GPLD1: variants seen among roughly 807,000 people sequenced by gnomAD.
GPLD1 encodes glycosylphosphatidylinositol specific phospholipase D1, also known as phosphatidylinositol-glycan-specific phospholipase D.
In GPLD1, 84 loss-of-function variants were observed where a neutral mutation model predicts 112.6. The ratio of observed to expected loss-of-function variants is 0.75; its 90% CI spans 0.63 to 0.89. The LOEUF (loss-of-function observed/expected upper bound fraction) is 0.89. GPLD1 is among the 40% of genes least tolerant of loss of function. The pLI, the probability that GPLD1 is intolerant of heterozygous loss-of-function variation, is 0.00. For missense variants in GPLD1, 1,044 were observed against 1,051.5 expected (o/e 0.99, Z 0.10); for synonymous variants, 386 against 403.8 (o/e 0.96, Z 0.53).
chr6:24,425,405 AAG>A (rs1561819245), downstream of GPLD1: 1 of 152,364 alleles, frequency 6.6e-6, no homozygotes, highest in Non-Finnish European at 1.5e-5. Flanking sequence ...ATGTCAATAA[AAG>A]GAAAAATAAT....
rs1763277797 is a variant in GPLD1 at position 24,456,633 on chromosome 6, G to C, written c.1013C>G (p.Ser338Cys). ...FFSVNSWTPDSMSFIYKALER... is the reference protein window; with the variant it reads ...FFSVNSWTPDCMSFIYKALER... ...CAAAGCCTTGTAGATAAAGGACATG[G>C]AATCCTGAAATAAAAGAATCATTAT... The change falls in exon 13 of 25, where the codon TCC (serine) becomes TGC (cysteine). Residue 338 changes from serine to cysteine, a missense_variant. Ser to Cys is a moderately radical substitution (Grantham distance 112). Coordinates refer to ENST00000230036, the MANE Select transcript of GPLD1 (RefSeq NM_001503.4). 1 of 1,593,210 alleles carries C rather than the reference G, an allele frequency of 6.3e-7. No individual in the cohort carries two copies.
intron 18 of GPLD1, 26 bp downstream of exon 18, chr6:24,446,812 T>C (rs1441026114): frequency 1.2e-6 from 2 of 1,608,976 alleles, no homozygotes; most frequent in Admixed American, 1.7e-5. Context: ...GTGTTCATGG[T>C]TCCCAGCCCC....
intron 24 of GPLD1, among the ~76,000 whole-genome samples, chr6:24,431,366 G>A (rs1215265887): frequency 6.6e-6 from 1 of 152,068 alleles, no homozygotes; most frequent in Non-Finnish European, 1.5e-5. Flanking sequence ...TTATTCTTCA[G>A]ACTACTCATT....
intron 1 of GPLD1, among the ~76,000 whole-genome samples, chr6:24,487,371 A>T (rs1436136456): frequency 6.6e-6 from 1 of 152,224 alleles, no homozygotes; most frequent in East Asian, 1.9e-4. Context: ...AAAAATTCTC[A>T]GAATCCGTGC....
intron 2 of GPLD1, 108 bp from the exon 3 acceptor site, chr6:24,480,067 T>C (rs6911965): frequency 0.14 from 100,729 of 701,976 alleles, 8,361 homozygotes; most frequent in African/African-American, 0.28. Context: ...GGGGTATAGA[T>C]GGAATGAAAG....
intron 3 of GPLD1, among the ~76,000 whole-genome samples, 183 bp downstream of exon 3, chr6:24,479,698 T>C (rs1403473622): frequency 6.6e-6 from 1 of 152,208 alleles, no homozygotes; most frequent in African/African-American, 2.4e-5. Flanking sequence ...AAAATGCAAC[T>C]ATGTAAACTA....
upstream of GPLD1, chr6:24,495,261 A>G: frequency 2.0e-6 from 3 of 1,530,714 alleles, no homozygotes; most frequent in Non-Finnish European, 2.6e-6. Context: ...CGCTCTGGGC[A>G]TGGTAGCCGA....
chr6:24,434,723 A>G (rs972874883), intron 22 of GPLD1, among the ~76,000 whole-genome samples: 22 of 150,730 alleles, frequency 1.5e-4, no homozygotes, highest in African/African-American at 5.1e-4. Context: ...CTGTAGCCCC[A>G]GCTACTTGGG....
chr6:24,495,044 G>A (rs1034598523), exon 1 of GPLD1: 7 of 1,358,844 alleles, frequency 5.2e-6, no homozygotes, highest in African/African-American at 3.0e-5. Context: ...GGCGCCTCGG[G>A]TCGACGTTTC....
intron 2 of GPLD1, among the ~76,000 whole-genome samples, chr6:24,485,668 G>A (rs888140655): frequency 2.7e-5 from 4 of 146,614 alleles, no homozygotes; most frequent in African/African-American, 5.1e-5. Context: ...AATAAATAAT[G>A]AGTCTCTTTT....
At chr6:24,435,836 A>AAAAAAAATAAAAAAAAAAAAAAAT (rs1762559697) in intron 22 of GPLD1, 1 of 146,526 alleles carries the variant, frequency 6.8e-6, no homozygotes, top group Non-Finnish European at 1.5e-5. Flanking sequence ...AAAAAAAAAA[A>AAAAAAAATAAAAAAAAAAAAAAAT]AAAAAAAAAA....
chr6:24,454,077 C>A lies in GPLD1; in HGVS notation c.1273G>T (p.Gly425Cys), dbSNP rs1269292877. 2 of 1,613,560 alleles carry A rather than the reference C, an allele frequency of 1.2e-6. No individual in the cohort carries two copies. The highest frequency in any genetic ancestry group is 8.5e-7 in the Non-Finnish European group (1 of 1,179,714). ...AGGTCCAGGTCAACAGGTGGCAGGC[C>A]CAGGTCATTGCCGTAGATGAGGTAC... ...RVYLIYGNDL[G>C]LPPVDLDLDK... is the part of the protein sequence containing the mutation. Residue 425 changes from glycine (G) to cysteine (C), a missense_variant, in exon 14 of 25, where the codon GGC becomes TGC. Physicochemically the swap from Gly to Cys is radical, Grantham distance 159. Coordinates refer to ENST00000230036, the MANE Select transcript of GPLD1 (RefSeq NM_001503.4).
At chr6:24,461,351 A>G (rs1763428239) in intron 11 of GPLD1, among the ~76,000 whole-genome samples, 1 of 152,196 alleles carries the variant, frequency 6.6e-6, no homozygotes, top group Non-Finnish European at 1.5e-5. Flanking sequence ...AAAAGAAAAA[A>G]AAAAGTTACC....
intron 10 of GPLD1, among the ~76,000 whole-genome samples, chr6:24,465,907 A>C (rs1188050671): frequency 1.3e-5 from 2 of 152,136 alleles, no homozygotes; most frequent in Non-Finnish European, 2.9e-5. Flanking sequence ...CTGTTTTTTT[A>C]GTATTAGGTG....
At chr6:24,424,640 T>TCCTA (rs1357247087), downstream of GPLD1, 1 of 152,202 alleles carries the variant, frequency 6.6e-6, no homozygotes, top group Non-Finnish European at 1.5e-5. Context: ...CTCTTTAACA[T>TCCTA]CCTACCTACC....
intron 13 of GPLD1, among the ~76,000 whole-genome samples, 169 bp downstream of exon 13, chr6:24,456,329 A>G (rs1034952151): frequency 6.6e-6 from 1 of 152,150 alleles, no homozygotes. Flanking sequence ...CCTGGGAGGC[A>G]GAGGTTGCAG....
At chr6:24,488,386 T>C (rs1445375887) in intron 1 of GPLD1, among the ~76,000 whole-genome samples, 2 of 148,776 alleles carry the variant, frequency 1.3e-5, no homozygotes, top group Non-Finnish European at 2.9e-5. Flanking sequence ...CACTCCAGCA[T>C]GGCGGACAGA....
At chr6:24,442,980 G>A (rs1762795408) in intron 20 of GPLD1, among the ~76,000 whole-genome samples, 1 of 152,188 alleles carries the variant, frequency 6.6e-6, no homozygotes, top group Admixed American at 6.5e-5. Flanking sequence ...CACAACACTT[G>A]GGTAGAAAGA....
chr6:24,477,514 G>T (rs2760152), intron 3 of GPLD1, among the ~76,000 whole-genome samples: 75,995 of 151,436 alleles, frequency 0.5, 19,620 homozygotes, highest in African/African-American at 0.59. Context: ...AGGCCAGGAG[G>T]TTGAGACTAG....
Sources: allele counts gnomAD v4.1 joint callset (sites outside exome capture counted in the v4.1 genomes callset), GRCh38; gene constraint gnomAD v4.1.1; transcripts MANE v1.5; gene names NCBI Gene and HGNC (gene_info 2026-07-23, HGNC 2026-07-21).